The following SDK1 variants were observed in gnomAD, a reference collection of about 807,000 sequenced individuals.
SDK1 encodes protein sidekick-1.
SDK1 carries 157 observed loss-of-function variants against 245.5 expected under a neutral mutation model. The observed-to-expected ratio is 0.64, with a 90% CI of 0.56 to 0.73. The LOEUF is 0.73. Ranked by LOEUF, SDK1 falls within the 30% of genes least tolerant of loss-of-function variation. SDK1 has a pLI of 0.00. For synonymous variants in SDK1, 1,647 were observed against 1,278.5 expected (o/e 1.29, Z -6.15); for missense variants, 3,583 against 3,002.3 (o/e 1.19, Z -4.52).
intron 4 of SDK1, among the ~76,000 whole-genome samples, chr7:3,656,553 C>A (rs1413093610): frequency 6.6e-6 from 1 of 152,074 alleles, no homozygotes; most frequent in African/African-American, 2.4e-5. Flanking sequence ...CTGTTTAATT[C>A]ATGACCCAGA....
intron 17 of SDK1, among the ~76,000 whole-genome samples, chr7:4,018,737 G>T (rs995598550): frequency 6.6e-6 from 1 of 152,192 alleles, no homozygotes; most frequent in African/African-American, 2.4e-5. Flanking sequence ...TGAGGCTTTG[G>T]ACTCTGGCTT....
intron 1 of SDK1, among the ~76,000 whole-genome samples, chr7:3,398,869 C>A (rs1314102955): frequency 6.6e-6 from 1 of 151,500 alleles, no homozygotes; most frequent in Non-Finnish European, 1.5e-5. Context: ...TAGTAGCGCT[C>A]CTCCTAGTAA....
intron 4 of SDK1, among the ~76,000 whole-genome samples, chr7:3,695,788 G>C (rs1038464355): frequency 6.6e-6 from 1 of 152,186 alleles, no homozygotes; most frequent in African/African-American, 2.4e-5. Flanking sequence ...GCAACCGCTA[G>C]ACGTAGCCTG....
At chr7:4,252,679 G>A (rs1312961743) in intron 44 of SDK1, among the ~76,000 whole-genome samples, 1 of 151,892 alleles carries the variant, frequency 6.6e-6, no homozygotes, top group Non-Finnish European at 1.5e-5. Context: ...TGAATGATTT[G>A]GGAAGTATTT....
intron 1 of SDK1, among the ~76,000 whole-genome samples, chr7:3,489,522 T>A (rs1781804869): frequency 6.6e-6 from 1 of 152,234 alleles, no homozygotes; most frequent in African/African-American, 2.4e-5. Context: ...GTGTTGTCTT[T>A]ATTGTTCTTC....
intron 4 of SDK1, among the ~76,000 whole-genome samples, chr7:3,645,850 C>T (rs982278974): frequency 2.6e-5 from 4 of 151,916 alleles, no homozygotes; most frequent in Admixed American, 1.3e-4. Context: ...AGTTTCTGCA[C>T]CTATTTTTTT....
At chr7:3,662,575 G>T (rs375621433) in intron 4 of SDK1, among the ~76,000 whole-genome samples, 1 of 152,208 alleles carries the variant, frequency 6.6e-6, no homozygotes, top group Admixed American at 6.5e-5. Context: ...GACAAGGGCC[G>T]CTGCGGGGAC....
intron 1 of SDK1, among the ~76,000 whole-genome samples, chr7:3,591,009 T>A (rs187201083): frequency 1.3e-5 from 2 of 152,092 alleles, no homozygotes; most frequent in African/African-American, 4.8e-5. Context: ...TAGAGCATTT[T>A]AAAAAACTCC....
At chr7:3,880,605 C>T (rs933247473) in intron 5 of SDK1, among the ~76,000 whole-genome samples, 1 of 125,774 alleles carries the variant, frequency 8.0e-6, no homozygotes, top group Admixed American at 9.5e-5. Flanking sequence ...AAAATCCTTT[C>T]AGCTCAAACG....
chr7:3,708,166 G>A (rs1352611243), intron 4 of SDK1, among the ~76,000 whole-genome samples: 1 of 152,066 alleles, frequency 6.6e-6, no homozygotes, highest in Non-Finnish European at 1.5e-5. Context: ...AGAATGAGAG[G>A]GGAGATGCCA....
chr7:4,194,380 G>A (rs960125231), intron 35 of SDK1, among the ~76,000 whole-genome samples: 3 of 108,934 alleles, frequency 2.8e-5, no homozygotes, highest in South Asian at 3.1e-4. Context: ...ATACATGTAT[G>A]TGTATACATG....
chr7:3,741,461 T>C (rs1198669062), intron 4 of SDK1, among the ~76,000 whole-genome samples: 1 of 152,252 alleles, frequency 6.6e-6, no homozygotes, highest in Non-Finnish European at 1.5e-5. Context: ...TTAGCTGTCC[T>C]AATCAGAGCA....
intron 28 of SDK1, among the ~76,000 whole-genome samples, chr7:4,143,912 C>G (rs1343147364): frequency 1.3e-5 from 2 of 152,352 alleles, no homozygotes; most frequent in East Asian, 3.9e-4. Context: ...AGGGATGCAG[C>G]AGGGTCCCTG....
chr7:3,490,498 T>G (rs911637484), intron 1 of SDK1, among the ~76,000 whole-genome samples: 15 of 152,224 alleles, frequency 9.9e-5, no homozygotes, highest in African/African-American at 3.6e-4. Flanking sequence ...TTTTAAAGAT[T>G]ACCATTCGTT....
intron 19 of SDK1, among the ~76,000 whole-genome samples, chr7:4,059,485 A>G (rs907091618): frequency 4.6e-5 from 7 of 152,222 alleles, no homozygotes; most frequent in East Asian, 1.9e-4. Context: ...CAGCAATACA[A>G]TAATACTTGG....
At chr7:3,326,609 C>G (rs573560292) in intron 1 of SDK1, among the ~76,000 whole-genome samples, 1 of 152,156 alleles carries the variant, frequency 6.6e-6, no homozygotes, top group African/African-American at 2.4e-5. Context: ...TTTACACATC[C>G]ACTGAGTCCT....
At chr7:4,068,663 T>C (rs1359507245) in intron 20 of SDK1, among the ~76,000 whole-genome samples, 1 of 152,068 alleles carries the variant, frequency 6.6e-6, no homozygotes, top group East Asian at 1.9e-4. Context: ...CTCTCCTGGT[T>C]TGAGGGGGTC....
intron 11 of SDK1, among the ~76,000 whole-genome samples, chr7:3,969,880 C>G (rs1027146901): frequency 6.6e-6 from 1 of 152,058 alleles, no homozygotes; most frequent in African/African-American, 2.4e-5. Flanking sequence ...GAAAATCTTC[C>G]GCTTTTGCTA....
At chr7:3,445,242 A>G (rs766007912) in intron 1 of SDK1, among the ~76,000 whole-genome samples, 51 of 152,156 alleles carry the variant, frequency 3.4e-4, no homozygotes, top group South Asian at 2.1e-4. Context: ...GTTTCAGCTG[A>G]TAAAACTTAT....
Sources: gnomAD v4.1 joint callset for allele counts (sites outside exome capture counted in the v4.1 genomes callset) on GRCh38, gnomAD v4.1.1 for gene constraint, MANE v1.5 for transcripts, NCBI Gene and HGNC (gene_info 2026-07-23, HGNC 2026-07-21) for gene names.